PRKG1: variants seen among roughly 807,000 people sequenced by gnomAD.
The protein encoded by PRKG1 is protein kinase cGMP-dependent 1, also known as cGMP-dependent protein kinase 1.
A neutral mutation model predicts 88.1 loss-of-function variants in PRKG1; 35 were observed. The ratio of observed to expected loss-of-function variants is 0.40; its 90% CI spans 0.30 to 0.53. PRKG1 has a LOEUF of 0.53. PRKG1 is among the 20% of genes least tolerant of loss of function. PRKG1 has a pLI of 0.59. For synonymous variants in PRKG1, 303 were observed against 292.5 expected (o/e 1.04, Z -0.37); for missense variants, 540 against 839.8 (o/e 0.64, Z 4.41).
chr10:51,803,574 A>G (rs751945248), intron 3 of PRKG1, among the ~76,000 whole-genome samples: 7 of 152,100 alleles, frequency 4.6e-5, no homozygotes, highest in Non-Finnish European at 1.0e-4. Context: ...GATCCATCAC[A>G]TTCACTGGGC....
intron 8 of PRKG1, among the ~76,000 whole-genome samples, chr10:52,142,315 C>T (rs907606380): frequency 2.6e-5 from 4 of 152,010 alleles, no homozygotes; most frequent in Non-Finnish European, 4.4e-5. Context: ...TTTATTAATT[C>T]AATAAGCACA....
At chr10:51,977,008 C>G (rs1286892499) in intron 5 of PRKG1, among the ~76,000 whole-genome samples, 1 of 151,776 alleles carries the variant, frequency 6.6e-6, no homozygotes, top group East Asian at 1.9e-4. Context: ...GGCACATGTA[C>G]AGGTTTGTTA....
chr10:52,031,681 T>G (rs1845478044), intron 5 of PRKG1, among the ~76,000 whole-genome samples: 1 of 152,198 alleles, frequency 6.6e-6, no homozygotes, highest in Non-Finnish European at 1.5e-5. Flanking sequence ...TTGTGGTTGC[T>G]GTAGATGGAG....
chr10:51,588,174 A>C (rs1922128), intron 3 of PRKG1, among the ~76,000 whole-genome samples: 6 of 152,154 alleles, frequency 3.9e-5, no homozygotes, highest in African/African-American at 1.4e-4. Flanking sequence ...ATCCTAATGT[A>C]TGTTAGCCAT....
intron 5 of PRKG1, among the ~76,000 whole-genome samples, chr10:52,054,265 GTAA>G (rs1846056616): frequency 1.3e-5 from 2 of 152,026 alleles, no homozygotes; most frequent in Non-Finnish European, 2.9e-5. Flanking sequence ...AACTTAAAGT[GTAA>G]TAATAATAAA....
At chr10:51,520,772 AAGAATT>A (rs1841716103) in intron 3 of PRKG1, among the ~76,000 whole-genome samples, 2 of 152,212 alleles carry the variant, frequency 1.3e-5, no homozygotes, top group East Asian at 1.9e-4. Flanking sequence ...AGCCGGCAAA[AAGAATT>A]AGAGGGAATT....
chr10:51,470,387 C>T (rs1006409226), intron 3 of PRKG1, among the ~76,000 whole-genome samples: 3 of 151,758 alleles, frequency 2.0e-5, no homozygotes, highest in Non-Finnish European at 4.4e-5. Context: ...TTTTTCTACA[C>T]AATAGCTGAC....
intron 7 of PRKG1, among the ~76,000 whole-genome samples, chr10:52,118,445 A>G (rs553997326): frequency 6.6e-6 from 1 of 152,060 alleles, no homozygotes. Context: ...CAATGTACAT[A>G]TATGTGTTTA....
At chr10:51,698,709 T>G in intron 3 of PRKG1, 1 of 1,613,996 alleles carries the variant, frequency 6.2e-7, no homozygotes, top group African/African-American at 1.3e-5. Flanking sequence ...CCTCCAGGAG[T>G]TAAGGAACCA....
chr10:51,801,930 C>G (rs1293902165), intron 3 of PRKG1, among the ~76,000 whole-genome samples: 1 of 152,110 alleles, frequency 6.6e-6, no homozygotes, highest in African/African-American at 2.4e-5. Context: ...AATCACTTCC[C>G]AGCACTGTCT....
chr10:51,790,011 G>T (rs1256195807), intron 3 of PRKG1, among the ~76,000 whole-genome samples: 1 of 151,958 alleles, frequency 6.6e-6, no homozygotes. Context: ...TAGTAGAGAT[G>T]GGAGTTTCAC....
At chr10:52,224,822 TATATATA>T (rs942570243) in intron 9 of PRKG1, among the ~76,000 whole-genome samples, 1 of 138,858 alleles carries the variant, frequency 7.2e-6, no homozygotes, top group Non-Finnish European at 1.6e-5. Flanking sequence ...TATATATATA[TATATATA>T]TATATATATA....
intron 7 of PRKG1, among the ~76,000 whole-genome samples, chr10:52,064,512 A>G (rs182120838): frequency 4.6e-5 from 7 of 152,260 alleles, no homozygotes; most frequent in Non-Finnish European, 8.8e-5. Flanking sequence ...CTAGTCCCCC[A>G]ACAGCACAGG....
chr10:51,991,319 T>C (rs1844300724), intron 5 of PRKG1, among the ~76,000 whole-genome samples: 1 of 152,182 alleles, frequency 6.6e-6, no homozygotes, highest in Admixed American at 6.6e-5. Flanking sequence ...TTTGATACTC[T>C]TTATCTTTGT....
chr10:51,700,553 G>A (rs1397276648), intron 3 of PRKG1, among the ~76,000 whole-genome samples: 1 of 152,124 alleles, frequency 6.6e-6, no homozygotes, highest in African/African-American at 2.4e-5. Context: ...GCAGGTAGGA[G>A]TTAAAACATA....
At chr10:51,479,462 T>G (rs1840294373) in intron 3 of PRKG1, among the ~76,000 whole-genome samples, 1 of 152,040 alleles carries the variant, frequency 6.6e-6, no homozygotes. Context: ...GTGCTTTTGT[T>G]TTTCTTAAGG....
At chr10:51,502,001 T>A (rs1841041417) in intron 3 of PRKG1, among the ~76,000 whole-genome samples, 1 of 151,982 alleles carries the variant, frequency 6.6e-6, no homozygotes, top group Non-Finnish European at 1.5e-5. Context: ...ATAAAAAGAG[T>A]CAGATATTAT....
intron 3 of PRKG1, among the ~76,000 whole-genome samples, chr10:51,761,253 T>A (rs1838015152): frequency 6.6e-6 from 1 of 152,280 alleles, no homozygotes; most frequent in Non-Finnish European, 1.5e-5. Context: ...GATTGTTTTT[T>A]AACTTTTAAA....
At chr10:51,478,435 T>G (rs563570912) in intron 3 of PRKG1, among the ~76,000 whole-genome samples, 55 of 152,178 alleles carry the variant, frequency 3.6e-4, no homozygotes, top group Admixed American at 1.0e-3. Context: ...ATGCAAAAAC[T>G]GGCCCCCTTG....
Sources: allele counts gnomAD v4.1 joint callset (sites outside exome capture counted in the v4.1 genomes callset), GRCh38; gene constraint gnomAD v4.1.1; transcripts MANE v1.5; gene names NCBI Gene and HGNC (gene_info 2026-07-23, HGNC 2026-07-21).